SASS6: variants seen among roughly 807,000 people sequenced by gnomAD.
SASS6 encodes the protein SAS-6 centriolar assembly protein.
Under a neutral mutation model 94.9 loss-of-function variants are expected in SASS6, and 59 were observed. The ratio of observed to expected loss-of-function variants is 0.62; its 90% confidence interval spans 0.50 to 0.77. The LOEUF is 0.77. SASS6 is among the 30% of genes least tolerant of loss of function. SASS6 has a pLI of 0.00. For synonymous variants in SASS6, 264 were observed against 270.0 expected (o/e 0.98, Z 0.22); for missense variants, 698 against 734.1 (o/e 0.95, Z 0.57).
At chr1:100,108,463 G>C (rs932328349) in intron 8 of SASS6, among the ~76,000 whole-genome samples, 7 of 151,422 alleles carry the variant, frequency 4.6e-5, no homozygotes, top group African/African-American at 1.7e-4. Flanking sequence ...GTCAATAAAT[G>C]TTAACATTTC....
At chr1:100,105,715 T>A (rs1055542149) in intron 13 of SASS6, 52 bp downstream of exon 13, 2 of 1,564,514 alleles carry the variant, frequency 1.3e-6, no homozygotes, top group Non-Finnish European at 1.8e-6. Context: ...CTGGAAATAC[T>A]TTTGTTTCAG....
chr1:100,119,279 C>T (rs1168442388), intron 6 of SASS6, 142 bp from the exon 7 acceptor site: 1 of 420,748 alleles, frequency 2.4e-6, no homozygotes, highest in Non-Finnish European at 3.9e-6. Flanking sequence ...TTTTCCTACA[C>T]AAAATTTTTT....
rs745692566 is a variant in SASS6, at chr1:100,088,252, AC to A, written c.1675-17del. On this transcript the variant is annotated splice_polypyrimidine_tract_variant and intron_variant, in intron 14 of 16. Coordinates refer to ENST00000287482, the MANE Select transcript of SASS6 (RefSeq NM_194292.3). ...TAAACTGAACCTGTGAGAAGGAAAAACATCTCATGTAACTGAGTTATATAGA... is the reference window on the plus strand; with the variant it reads ...TAAACTGAACCTGTGAGAAGGAAAAAATCTCATGTAACTGAGTTATATAGA... 19 of 1,266,598 alleles carry A rather than the reference AC, an allele frequency of 1.5e-5. No individual in the cohort carries two copies. The highest frequency in any genetic ancestry group is 2.2e-5 in the Non-Finnish European group (19 of 864,230). 78.5% of individuals were successfully genotyped at this position (1,266,598 alleles called of 1,614,324 possible). A position where few individuals can be genotyped will look rare whatever the true frequency, so the allele number is the denominator to read the frequency against.
At chr1:100,095,551 T>A (rs1434155331) in intron 14 of SASS6, among the ~76,000 whole-genome samples, 2 of 151,942 alleles carry the variant, frequency 1.3e-5, no homozygotes, top group African/African-American at 4.8e-5. Context: ...TAAATAAAAA[T>A]AAATTGTACT....
At chr1:100,099,194 C>T (rs471352) in intron 14 of SASS6, 33,462 of 152,646 alleles carry the variant, frequency 0.22, 5,144 homozygotes, top group African/African-American at 0.44. Context: ...CCAAACACTA[C>T]CAAGATAAAG....
chr1:100,117,319 C>T (rs1185410301), intron 7 of SASS6, among the ~76,000 whole-genome samples: 1 of 148,780 alleles, frequency 6.7e-6, no homozygotes, highest in Non-Finnish European at 1.5e-5. Context: ...AGCTATAGTA[C>T]GAAAGGTAGA....
chr1:100,100,698 T>C (rs1652413174), intron 14 of SASS6, among the ~76,000 whole-genome samples: 2 of 152,208 alleles, frequency 1.3e-5, no homozygotes, highest in Non-Finnish European at 2.9e-5. Context: ...GACAGTAACA[T>C]TTTAAGACAT....
intron 8 of SASS6, among the ~76,000 whole-genome samples, chr1:100,109,655 A>AATT (rs1378283752): frequency 6.6e-6 from 1 of 152,020 alleles, no homozygotes; most frequent in Non-Finnish European, 1.5e-5. Context: ...GGTAGTATTA[A>AATT]AGATAGTCAA....
At chr1:100,127,853 T>C (rs1369081166) in intron 1 of SASS6, among the ~76,000 whole-genome samples, 2 of 151,908 alleles carry the variant, frequency 1.3e-5, no homozygotes, top group Admixed American at 6.6e-5. Flanking sequence ...GGACTCAGTT[T>C]CCGAACTTGT....
intron 1 of SASS6, among the ~76,000 whole-genome samples, chr1:100,126,900 G>A (rs781500682): frequency 1.1e-4 from 17 of 152,104 alleles, no homozygotes; most frequent in Non-Finnish European, 2.2e-4. Context: ...TCACATCCAC[G>A]AATTAAATCT....
At chr1:100,088,393 C>T (rs912548929) in intron 14 of SASS6, among the ~76,000 whole-genome samples, 157 bp from the exon 15 acceptor site, 8 of 152,098 alleles carry the variant, frequency 5.3e-5, no homozygotes, top group African/African-American at 1.7e-4. Context: ...TGGGCTCAAG[C>T]GATCCTCCCA....
intron 5 of SASS6, among the ~76,000 whole-genome samples, chr1:100,121,029 G>A (rs1557893469): frequency 2.2e-5 from 3 of 136,870 alleles, no homozygotes; most frequent in East Asian, 2.1e-4. Flanking sequence ...CAGCCTGGGC[G>A]ACAGAGCGAG....
At chr1:100,088,319 C>T in intron 14 of SASS6, 83 bp from the exon 15 acceptor site, 1 of 691,528 alleles carries the variant, frequency 1.4e-6, no homozygotes, top group South Asian at 1.6e-5. Context: ...TAAACAGAGC[C>T]TTGCTCTGTT....
intron 1 of SASS6, among the ~76,000 whole-genome samples, chr1:100,128,903 G>A (rs1250880649): frequency 6.6e-6 from 1 of 152,118 alleles, no homozygotes; most frequent in Non-Finnish European, 1.5e-5. Context: ...GGTACTTTAA[G>A]CCAGGTATTG....
intron 13 of SASS6, among the ~76,000 whole-genome samples, chr1:100,105,074 T>G (rs1376152237): frequency 6.6e-6 from 1 of 152,174 alleles, no homozygotes; most frequent in African/African-American, 2.4e-5. Context: ...TTCTTTTCTT[T>G]TTCTGATAGA....
rs61747274 is a variant in SASS6 at position 100,107,993 on chromosome 1, C to G, written c.873G>C (p.Arg291=). ...GCAAAGAGAGGACTTCTTGCTTAGTCCGCTGTAGCTCCTAGAATGGGAAAA... is the reference window on the plus strand; with the variant it reads ...GCAAAGAGAGGACTTCTTGCTTAGTGCGCTGTAGCTCCTAGAATGGGAAAA... ...KLSGVEEELQ[R]TKQEVLSLRR... Residue 291 remains arginine (R), a synonymous_variant, in exon 9 of 17, where the codon CGG becomes CGC. Coordinates refer to ENST00000287482, the MANE Select transcript of SASS6 (RefSeq NM_194292.3). 4,387 of 1,603,816 alleles carry G rather than the reference C, an allele frequency of 2.7e-3. 12 individuals carry two copies. Among genetic ancestry groups the G allele is most frequent in the Non-Finnish European group, 3.5e-3 (4,115 of 1,173,318 alleles).
chr1:100,127,734 G>A (rs1358835314), intron 1 of SASS6, among the ~76,000 whole-genome samples: 2 of 151,768 alleles, frequency 1.3e-5, no homozygotes, highest in African/African-American at 4.8e-5. Context: ...CACCTGTAGT[G>A]CTGGCTACTT....
intron 14 of SASS6, among the ~76,000 whole-genome samples, chr1:100,093,541 A>G (rs893686591): frequency 6.6e-6 from 1 of 152,134 alleles, no homozygotes; most frequent in African/African-American, 2.4e-5. Flanking sequence ...CAGGCAGATC[A>G]CTTGAGCCCA....
Position 100,107,513 on chromosome 1 carries a change from G to A in SASS6, c.1187C>T (p.Thr396Ile). 6.2e-7 allele frequency: 1 copy of A among 1,607,404 alleles called. No individual in the cohort carries two copies. Among genetic ancestry groups the A allele is most frequent in the Non-Finnish European group, 8.5e-7 (1 of 1,175,310 alleles). Residue 396 changes from threonine (T) to isoleucine (I), a missense_variant, in exon 11 of 17, where the codon ACT becomes ATT. Coordinates refer to ENST00000287482, the MANE Select transcript of SASS6 (RefSeq NM_194292.3). ...CTTCAATTTCAACTTACCCATTAAA[G>A]TTTTCAGATCCCCTTGTAACTTCTT... is the stretch of plus-strand genomic sequence containing the variant. ...IIKKLQGDLK[T>I]LMGKLKLKNT... is the part of the protein sequence containing the mutation.
Sources: allele counts gnomAD v4.1 joint callset (sites outside exome capture counted in the v4.1 genomes callset), GRCh38; gene constraint gnomAD v4.1.1; transcripts MANE v1.5; gene names NCBI Gene and HGNC (gene_info 2026-07-23, HGNC 2026-07-21).